The following ASPRV1 variants were observed in gnomAD, a reference collection of about 807,000 sequenced individuals.
The protein encoded by ASPRV1 is aspartic peptidase retroviral like 1, also known as retroviral-like aspartic protease 1.
A neutral mutation model predicts 11.0 loss-of-function variants in ASPRV1; 7 were observed. That is an observed-to-expected ratio of 0.64 (90% CI 0.36 to 1.20). The LOEUF is 1.20. Among genes scored for constraint, ASPRV1 ranks in the 50% most tolerant of loss-of-function variants. The pLI, the probability that ASPRV1 is intolerant of heterozygous loss-of-function variation, is 0.02. For synonymous variants in ASPRV1, 136 were observed against 138.4 expected (o/e 0.98, Z 0.12); for missense variants, 299 against 320.0 (o/e 0.93, Z 0.50).
chr2:70,034,728 C>T, the ASPRV1 span, among the ~76,000 whole-genome samples: 1 of 152,172 alleles, frequency 6.6e-6, no homozygotes, highest in African/African-American at 2.4e-5. Flanking sequence ...ACAATTCTCC[C>T]AAGGCAGGAT....
At chr2:69,989,974 C>G in the ASPRV1 span, among the ~76,000 whole-genome samples, 1 of 152,182 alleles carries the variant, frequency 6.6e-6, no homozygotes, top group East Asian at 1.9e-4. Context: ...TGGGTGTGGC[C>G]ACAGTGCTAA....
chr2:70,017,514 A>C, the ASPRV1 span, among the ~76,000 whole-genome samples: 360 of 151,738 alleles, frequency 2.4e-3, 2 homozygotes, highest in Middle Eastern at 6.8e-3. Context: ...TCTATTGAAA[A>C]CAGTATTGGA....
chr2:69,941,863 T>TATAC, the ASPRV1 span: 654 of 144,796 alleles, frequency 4.5e-3, 3 homozygotes, highest in African/African-American at 0.016. Flanking sequence ...TATCTATATA[T>TATAC]ACACACACAC....
chr2:69,937,972 C>A, the ASPRV1 span: 27 of 860,520 alleles, frequency 3.1e-5, no homozygotes, highest in Non-Finnish European at 4.3e-5. Flanking sequence ...GTCTCAAACT[C>A]CTAACCTCAA....
At chr2:70,044,581 T>TCCCA in the ASPRV1 span, among the ~76,000 whole-genome samples, 2 of 152,310 alleles carry the variant, frequency 1.3e-5, no homozygotes, top group East Asian at 1.9e-4. Context: ...TGCCACAGCC[T>TCCCA]CCCAAGTGGC....
At chr2:69,944,284 C>T in the ASPRV1 span, among the ~76,000 whole-genome samples, 15 of 152,214 alleles carry the variant, frequency 9.9e-5, no homozygotes, top group East Asian at 1.9e-4. Flanking sequence ...ATCTTATTTC[C>T]GAAGTTTCCT....
the ASPRV1 span, among the ~76,000 whole-genome samples, chr2:70,043,627 A>T: frequency 7.9e-5 from 12 of 152,346 alleles, no homozygotes; most frequent in African/African-American, 2.9e-4. Flanking sequence ...TTGAGACCAG[A>T]AGTTGTCCGT....
chr2:70,043,103 A>T, the ASPRV1 span, among the ~76,000 whole-genome samples: 16 of 152,192 alleles, frequency 1.1e-4, no homozygotes, highest in Non-Finnish European at 1.2e-4. Flanking sequence ...GGTGAATGAA[A>T]GATGATGCCA....
the ASPRV1 span, chr2:70,030,281 G>A: frequency 6.6e-6 from 1 of 152,360 alleles, no homozygotes; most frequent in Non-Finnish European, 1.5e-5. Flanking sequence ...GGCTGCTGGT[G>A]GGGTGGTGTG....
the ASPRV1 span, chr2:69,988,820 T>C: frequency 8.8e-6 from 4 of 456,484 alleles, no homozygotes; most frequent in Admixed American, 9.4e-5. Flanking sequence ...GGGGTCAACA[T>C]GGGGTTCTGC....
chr2:70,058,773 G>C, the ASPRV1 span, among the ~76,000 whole-genome samples: 15 of 150,744 alleles, frequency 1.0e-4, 1 homozygote, highest in East Asian at 2.2e-3. Context: ...GGCTGGTCTT[G>C]AACTCCTGAC....
At chr2:70,078,788 G>A in the ASPRV1 span, among the ~76,000 whole-genome samples, 3 of 152,192 alleles carry the variant, frequency 2.0e-5, no homozygotes, top group Non-Finnish European at 4.4e-5. Context: ...GGGCACCCAG[G>A]TGACAGTTTT....
At chr2:69,962,404 G>GT (rs1484319004), upstream of ASPRV1, 1 of 152,440 alleles carries the variant, frequency 6.6e-6, no homozygotes, top group Non-Finnish European at 1.5e-5. Flanking sequence ...CTGTTCCAGG[G>GT]CCCCTTCCCC....
chr2:70,056,467 T>C, the ASPRV1 span: 1 of 151,298 alleles, frequency 6.6e-6, no homozygotes, highest in Admixed American at 6.6e-5. Context: ...TAGCCGGGCG[T>C]GGTAGCGGGC....
At chr2:70,081,931 G>C in the ASPRV1 span, among the ~76,000 whole-genome samples, 1 of 151,674 alleles carries the variant, frequency 6.6e-6, no homozygotes, top group Admixed American at 6.6e-5. Context: ...AATCTTAAGA[G>C]AGAAAAAGAA....
the ASPRV1 span, among the ~76,000 whole-genome samples, chr2:69,948,508 G>C: frequency 6.6e-6 from 1 of 152,258 alleles, no homozygotes; most frequent in Non-Finnish European, 1.5e-5. Flanking sequence ...GGATCCAAAA[G>C]TGCTTGACAG....
chr2:70,080,523 G>A, the ASPRV1 span, among the ~76,000 whole-genome samples: 8 of 152,004 alleles, frequency 5.3e-5, no homozygotes, highest in Non-Finnish European at 1.0e-4. Context: ...CACTGTGCCC[G>A]GCCACCCCTT....
the ASPRV1 span, among the ~76,000 whole-genome samples, chr2:70,062,019 G>A: frequency 6.6e-6 from 1 of 151,448 alleles, no homozygotes; most frequent in African/African-American, 2.4e-5. Flanking sequence ...TGAGCACGGT[G>A]GCTCACACCT....
chr2:70,051,924 G>A, the ASPRV1 span, among the ~76,000 whole-genome samples: 4 of 151,996 alleles, frequency 2.6e-5, no homozygotes, highest in Non-Finnish European at 2.9e-5. Flanking sequence ...GCAGTGAGAC[G>A]AGATCATGCC....
Sources: gnomAD v4.1 joint callset for allele counts (sites outside exome capture counted in the v4.1 genomes callset) on GRCh38, gnomAD v4.1.1 for gene constraint, MANE v1.5 for transcripts, NCBI Gene and HGNC (gene_info 2026-07-23, HGNC 2026-07-21) for gene names.